The following TEK variants were observed in gnomAD, a reference collection of about 807,000 sequenced individuals.
TEK encodes TEK receptor tyrosine kinase.
TEK carries 43 observed loss-of-function variants against 131.8 expected under a neutral mutation model. The observed-to-expected ratio is 0.33, with a 90% CI of 0.26 to 0.42. The LOEUF is 0.42. Among genes scored for constraint, TEK ranks in the 10% least tolerant of loss-of-function variants. The pLI is 1.00. For missense variants in TEK, 1,162 were observed against 1,384.4 expected, an observed-to-expected ratio of 0.84 and a Z score of 2.55; for synonymous variants, 580 against 491.6, an observed-to-expected ratio of 1.18 and a Z score of -2.38.
intron 16 of TEK, 89 bp from the exon 17 acceptor site, chr9:27,212,618 A>G (rs1035236901): frequency 7.0e-7 from 1 of 1,421,128 alleles, no homozygotes; most frequent in Non-Finnish European, 9.9e-7. Context: ...GACAAAATGG[A>G]GTTTATAGGC....
At chr9:27,111,631 G>A (rs1400048985) in intron 1 of TEK, among the ~76,000 whole-genome samples, 1 of 151,652 alleles carries the variant, frequency 6.6e-6, no homozygotes, top group Non-Finnish European at 1.5e-5. Context: ...GCTCTCAGAA[G>A]CTCCTTACAA....
At position 27,228,254 on chromosome 9, in the gene TEK, A is replaced by G; in HGVS notation, c.3249A>G (p.Pro1083=). 2 of 1,613,168 alleles carry G rather than the reference A, an allele frequency of 1.2e-6. No individual in the cohort carries two copies. Among genetic ancestry groups the G allele is most frequent in the Non-Finnish European group, 8.5e-7 (1 of 1,179,288 alleles). Reference sequence around the variant, plus strand: ...GGCGGGAGAAGCCTTATGAGAGGCCATCATTTGCCCAGATATTGGTGTCCT... The same window carrying G: ...GGCGGGAGAAGCCTTATGAGAGGCCGTCATTTGCCCAGATATTGGTGTCCT... ...QCWREKPYER[P]SFAQILVSLN... The change falls in exon 22 of 23, where the codon CCA becomes CCG. Residue 1083 remains proline, a synonymous_variant. Transcript: ENST00000380036.
chr9:27,151,565 C>T (rs182645905), intron 1 of TEK, among the ~76,000 whole-genome samples: 25 of 152,274 alleles, frequency 1.6e-4, no homozygotes, highest in African/African-American at 5.8e-4. Flanking sequence ...GTCCACAAAC[C>T]CTCCTTCAAA....
At chr9:27,210,118 A>G (rs1174390076) in intron 16 of TEK, among the ~76,000 whole-genome samples, 4 of 152,372 alleles carry the variant, frequency 2.6e-5, no homozygotes, top group African/African-American at 9.6e-5. Context: ...CAAACAATTT[A>G]TCATTCTATG....
At position 27,217,576 on chromosome 9, in the gene TEK, A is replaced by T; in HGVS notation, c.2992-112A>T. 1.9e-5 allele frequency: 17 copies of T among 898,716 alleles called. No homozygotes were observed. The South Asian group carries it at 2.3e-4, about 12-fold the overall frequency. The allele number at this position is 898,716 out of a possible 1,614,324, so 55.7% of individuals were successfully genotyped here. A position where few individuals can be genotyped will look rare whatever the true frequency, so the allele number is the denominator to read the frequency against. On this transcript the variant is annotated intron_variant, in intron 18 of 22. Coordinates refer to ENST00000380036, the MANE Select transcript of TEK (RefSeq NM_000459.5). ...CATGTAGCTGGGACATACACAAAGC[A>T]ATGATTTCTGAGTCTACCCAGCAAT...
At chr9:27,125,213 G>A (rs532916307) in intron 1 of TEK, among the ~76,000 whole-genome samples, 1 of 152,318 alleles carries the variant, frequency 6.6e-6, no homozygotes, top group Non-Finnish European at 1.5e-5. Flanking sequence ...GCCACATTCA[G>A]AAGCCTGTAG....
chr9:27,229,408 C>A lies in TEK; in HGVS notation c.*176C>A. 1 of 694,074 alleles carries A rather than the reference C, an allele frequency of 1.4e-6. No homozygotes were observed. The highest frequency in any genetic ancestry group is 1.5e-5 in the South Asian group (1 of 65,878). 43.0% of individuals were successfully genotyped at this position (694,074 alleles called of 1,614,324 possible). A position where few individuals can be genotyped will look rare whatever the true frequency, so the allele number is the denominator to read the frequency against. The stretch of plus-strand genomic sequence containing the variant: ...CATGGATCTATGTAGTATGCTCTGA[C>A]TCTAATAGGACTGTATATACTGTTT... On this transcript the variant is annotated 3_prime_UTR_variant, in exon 23 of 23. Coordinates refer to ENST00000380036, the MANE Select transcript of TEK (RefSeq NM_000459.5).
intron 1 of TEK, among the ~76,000 whole-genome samples, chr9:27,140,267 G>T (rs1448786274): frequency 6.6e-6 from 1 of 151,892 alleles, no homozygotes; most frequent in Admixed American, 6.6e-5. Context: ...AATTCTTGTG[G>T]TCTCTCATAC....
chr9:27,186,859 C>T (rs145601222), intron 9 of TEK, among the ~76,000 whole-genome samples: 2,490 of 152,244 alleles, frequency 0.016, 36 homozygotes, highest in Non-Finnish European at 0.024. Context: ...ACAACAGTAG[C>T]GTAAATGCAA....
Position 27,213,476 on chromosome 9 carries a change from A to C in TEK, c.2878-8A>C, listed in dbSNP as rs746722078. 3 of 1,611,144 alleles carry C rather than the reference A, an allele frequency of 1.9e-6. No homozygotes were observed. Among genetic ancestry groups the C allele is most frequent in the Non-Finnish European group, 2.5e-6 (3 of 1,177,524 alleles). On this transcript the variant is annotated splice_region_variant and splice_polypyrimidine_tract_variant and intron_variant, in intron 17 of 22. Coordinates refer to ENST00000380036, the MANE Select transcript of TEK (RefSeq NM_000459.5). Reference sequence around the variant, plus strand: ...GCTGAAAATACATAATGTTTTCAAAAATTTCAGTTTATCCACAGGGATCTG... The same window carrying C: ...GCTGAAAATACATAATGTTTTCAAACATTTCAGTTTATCCACAGGGATCTG...
chr9:27,212,569 C>T, intron 16 of TEK, 138 bp from the exon 17 acceptor site: 4 of 878,872 alleles, frequency 4.6e-6, no homozygotes, highest in Non-Finnish European at 7.4e-6. Flanking sequence ...CTCCTGTCCC[C>T]CAGTGCTCCC....
chr9:27,121,639 T>C (rs1325916944), intron 1 of TEK, among the ~76,000 whole-genome samples: 1 of 151,898 alleles, frequency 6.6e-6, no homozygotes, highest in Non-Finnish European at 1.5e-5. Context: ...ATGTATCATA[T>C]CAGTCATGTG....
At position 27,176,428 on chromosome 9, in the gene TEK, T is replaced by C. The variant is rs151322701; in HGVS notation, c.901+3066T>C. ...GGCTTCATGATATTTTAAGGTCTTC[T>C]GCCATCCCAACAGAAACTTGATTTC... On this transcript the variant is annotated intron_variant, in intron 6 of 22. Transcript: ENST00000380036. Among the ~76,000 whole-genome samples the C allele has an allele frequency of 2.7e-3, 405 of 152,356 alleles. 2 individuals are homozygous for C. Among genetic ancestry groups the C allele is most frequent in the Non-Finnish European group, 4.5e-3 (305 of 68,026 alleles).
At chr9:27,160,009 G>GTTTT in intron 2 of TEK, among the ~76,000 whole-genome samples, 1 of 112,368 alleles carries the variant, frequency 8.9e-6, no homozygotes, top group East Asian at 2.6e-4. Context: ...AGCTGTTTAG[G>GTTTT]GTTTTTTTTT....
intron 22 of TEK, among the ~76,000 whole-genome samples, chr9:27,228,756 C>T (rs1555454): frequency 0.8 from 122,223 of 152,008 alleles, 49,212 homozygotes; most frequent in South Asian, 0.87. Context: ...TAAAAGTAAA[C>T]ACAGTTTAAA....
At chr9:27,175,885 T>TTAG (rs1306320122) in intron 6 of TEK, among the ~76,000 whole-genome samples, 92 of 152,306 alleles carry the variant, frequency 6.0e-4, no homozygotes, top group African/African-American at 2.0e-3. Context: ...ATTCTGGATA[T>TTAG]TAGCCCTTTG....
chr9:27,210,093 A>C (rs538704738), intron 16 of TEK, among the ~76,000 whole-genome samples: 54 of 152,342 alleles, frequency 3.5e-4, no homozygotes, highest in Non-Finnish European at 4.7e-4. Flanking sequence ...TATTAAACTA[A>C]AAATACTGGT....
chr9:27,117,087 G>C (rs1172274921), intron 1 of TEK, among the ~76,000 whole-genome samples: 2 of 151,678 alleles, frequency 1.3e-5, no homozygotes, highest in African/African-American at 4.8e-5. Context: ...GGATGGTCTC[G>C]ATCTCCTGAC....
At chr9:27,142,938 G>A (rs1011092818) in intron 1 of TEK, among the ~76,000 whole-genome samples, 5 of 152,194 alleles carry the variant, frequency 3.3e-5, no homozygotes, top group African/African-American at 1.2e-4. Flanking sequence ...TAAAGCTATT[G>A]TTAATGATTT....
Sources: gnomAD v4.1 joint callset for allele counts (sites outside exome capture counted in the v4.1 genomes callset) on GRCh38, gnomAD v4.1.1 for gene constraint, MANE v1.5 for transcripts, NCBI Gene and HGNC (gene_info 2026-07-23, HGNC 2026-07-21) for gene names.